Variants in PCDHGB4 observed in about 807,000 individuals in gnomAD.
PCDHGB4 encodes the protein protocadherin gamma-B4.
Under a neutral mutation model 60.5 loss-of-function variants are expected in PCDHGB4, and 38 were observed. The observed-to-expected ratio is 0.63, with a 90% confidence interval of 0.48 to 0.82. PCDHGB4 has a LOEUF of 0.82. PCDHGB4 is among the 40% of genes least tolerant of loss of function. The pLI, the probability that PCDHGB4 is intolerant of heterozygous loss-of-function variation, is 0.00. For synonymous variants in PCDHGB4, 456 were observed against 509.7 expected, an observed-to-expected ratio of 0.89 and a Z score of 1.42; for missense variants, 1,109 against 1,209.6, an observed-to-expected ratio of 0.92 and a Z score of 1.23.
At chr5:141,400,112 A>G in intron 1 of PCDHGB4, 1 of 1,614,034 alleles carries the variant, frequency 6.2e-7, no homozygotes. Context: ...GTCTTTGCTG[A>G]CAGCTTGCAG....
chr5:141,415,744 T>TTTTTG, intron 1 of PCDHGB4: 1 of 404,416 alleles, frequency 2.5e-6, no homozygotes, highest in Non-Finnish European at 3.0e-6. Context: ...ATTAAGGTTT[T>TTTTTG]TTTTTTTTTT....
At chr5:141,429,613 G>A (rs1374650357) in intron 1 of PCDHGB4, among the ~76,000 whole-genome samples, 2 of 152,084 alleles carry the variant, frequency 1.3e-5, no homozygotes, top group African/African-American at 2.4e-5. Flanking sequence ...TCAATTTTAT[G>A]TCTGATATTT....
At chr5:141,446,132 TA>T (rs1252851903) in intron 1 of PCDHGB4, among the ~76,000 whole-genome samples, 1 of 152,204 alleles carries the variant, frequency 6.6e-6, no homozygotes, top group African/African-American at 2.4e-5. Context: ...CAATAAGACT[TA>T]ATAATGGAAT....
At chr5:141,413,124 AAC>A in intron 1 of PCDHGB4, 2 of 1,528,020 alleles carry the variant, frequency 1.3e-6, no homozygotes, top group Non-Finnish European at 1.8e-6. Flanking sequence ...AACCGGTTGA[AAC>A]ACACAACGTG....
In PCDHGB4 at chr5:141,486,752, C is replaced by G. The variant is rs776406247; in HGVS notation, c.2398-8055C>G. On this transcript the variant is annotated intron_variant, in intron 1 of 3. Transcript: ENST00000519479. The surrounding 1 kb of genome is among the most constrained non-coding windows in gnomAD (Gnocchi z 5.0). ...TGCTACTCGATCCTTTGACTATGAG[C>G]AAACCCAGACACTGCAGTTTGAGGT... 6.2e-7 allele frequency: 1 copy of G among 1,614,244 alleles called. No individual in the cohort carries two copies. The highest frequency in any genetic ancestry group is 1.3e-5 in the African/African-American group (1 of 75,080).
intron 1 of PCDHGB4, chr5:141,427,624 C>T (rs2097051687): frequency 1.4e-6 from 1 of 698,516 alleles, no homozygotes; most frequent in South Asian, 1.5e-5. Context: ...AACGACAATG[C>T]TCCGGTTTTC....
intron 1 of PCDHGB4, chr5:141,408,054 C>G (rs1561710214): frequency 1.5e-6 from 2 of 1,295,924 alleles, no homozygotes; most frequent in East Asian, 2.6e-5. Flanking sequence ...CACAGAGCCT[C>G]CCGGCTGCGC....
At chr5:141,479,242 A>G (rs2099491093) in intron 1 of PCDHGB4, 1 of 152,320 alleles carries the variant, frequency 6.6e-6, no homozygotes, top group African/African-American at 2.4e-5. Context: ...AAACCCAAAG[A>G]TAACCATTTT....
At chr5:141,499,019 AG>A (rs2099788634) in intron 2 of PCDHGB4, among the ~76,000 whole-genome samples, 3 of 150,840 alleles carry the variant, frequency 2.0e-5, no homozygotes, top group Non-Finnish European at 3.0e-5. Context: ...GAAGGAAGGA[AG>A]GAAGGAAGAA....
chr5:141,420,022 TA>T (rs2096459209), intron 1 of PCDHGB4: 1 of 1,613,986 alleles, frequency 6.2e-7, no homozygotes. Flanking sequence ...CTTTCAGCCC[TA>T]CTGCAGGAGA....
At chr5:141,498,520 A>T (rs1178141390) in intron 2 of PCDHGB4, among the ~76,000 whole-genome samples, 1 of 149,264 alleles carries the variant, frequency 6.7e-6, no homozygotes, top group Non-Finnish European at 1.5e-5. Flanking sequence ...CATCTTGCCC[A>T]CTGCCCTCCA....
chr5:141,466,068 G>C (rs1278308918), intron 1 of PCDHGB4, among the ~76,000 whole-genome samples: 4 of 152,080 alleles, frequency 2.6e-5, no homozygotes, highest in Admixed American at 2.6e-4. Flanking sequence ...CTTGCAGTGA[G>C]CTGATATCAT....
chr5:141,508,451 C>T (rs1245251907), intron 3 of PCDHGB4, among the ~76,000 whole-genome samples: 1 of 152,180 alleles, frequency 6.6e-6, no homozygotes, highest in Admixed American at 6.5e-5. Flanking sequence ...AGTGGCAGAG[C>T]AGAGCAAATA....
At position 141,480,148 on chromosome 5, in the gene PCDHGB4, G is replaced by C. The variant is rs139861128; in HGVS notation, c.2398-14659G>C. On this transcript the variant is annotated intron_variant, in intron 1 of 3. Transcript: ENST00000519479. ...ATAACTGTTAAACAATTATTAGCCA[G>C]CTCCTAGCATTTTGGGAGGCTGAGG... 9.2e-4 allele frequency among the ~76,000 whole-genome samples: 140 copies of C among 152,036 alleles called. 1 individual carries two copies. The highest frequency in any genetic ancestry group is 3.1e-3 in the African/African-American group (127 of 41,470).
chr5:141,499,174 C>T (rs930279867), intron 2 of PCDHGB4, among the ~76,000 whole-genome samples: 20 of 152,198 alleles, frequency 1.3e-4, no homozygotes, highest in Middle Eastern at 3.4e-3. Flanking sequence ...AGCTCTGAGC[C>T]CAGCAAACCA....
At chr5:141,395,410 AT>A (rs1180706569) in intron 1 of PCDHGB4, 2 of 801,646 alleles carry the variant, frequency 2.5e-6, no homozygotes, top group African/African-American at 3.5e-5. Flanking sequence ...GTCATAGGTT[AT>A]TGTTTCATTT....
At chr5:141,433,225 GCT>G in intron 1 of PCDHGB4, 1 of 1,517,048 alleles carries the variant, frequency 6.6e-7, no homozygotes, top group African/African-American at 1.4e-5. Context: ...TTTTTTAATT[GCT>G]CTGTCTCCCA....
chr5:141,389,156 T>TC lies in PCDHGB4; in HGVS notation c.1273dup (p.Arg425ProfsTer18). The TC allele has an allele frequency of 6.2e-7, 1 of 1,613,950 alleles. No homozygotes were observed. The highest frequency in any genetic ancestry group is 8.5e-7 in the Non-Finnish European group (1 of 1,179,878). ...ACAATATAACCGTTACGGCAACAGA[T>TC]CGGGGCAAGCCTCCCCTCTCCTCCA... On this transcript the variant is annotated frameshift_variant, in exon 1 of 4. Coordinates refer to ENST00000519479, the MANE Select transcript of PCDHGB4 (RefSeq NM_003736.4). LOFTEE classifies it high-confidence loss of function.
At chr5:141,405,339 A>G in intron 1 of PCDHGB4, 1 of 1,614,178 alleles carries the variant, frequency 6.2e-7, no homozygotes, top group Non-Finnish European at 8.5e-7. Context: ...GTCTCTGTTG[A>G]TTCCAAGTTT....
Sources: allele counts gnomAD v4.1 joint callset (sites outside exome capture counted in the v4.1 genomes callset), GRCh38; gene constraint gnomAD v4.1.1; non-coding constraint Gnocchi (gnomAD v3.1); transcripts MANE v1.5; gene names NCBI Gene and HGNC (gene_info 2026-07-23, HGNC 2026-07-21).